Variants in SNCAIP observed in about 807,000 individuals in gnomAD.
The protein encoded by SNCAIP is synuclein alpha interacting protein, also known as synphilin-1.
A neutral mutation model predicts 86.7 loss-of-function variants in SNCAIP; 43 were observed. The observed-to-expected ratio is 0.50, with a 90% confidence interval of 0.39 to 0.64. The LOEUF is 0.64. Among genes scored for constraint, SNCAIP ranks in the 30% least tolerant of loss-of-function variants. The probability of loss-of-function intolerance (pLI) is 0.00; values close to 1 mark genes in which losing one functional copy is unlikely to be tolerated. For missense variants in SNCAIP, 981 were observed against 1,103.1 expected, an observed-to-expected ratio of 0.89 and a Z score of 1.57; for synonymous variants, 417 against 427.2, an observed-to-expected ratio of 0.98 and a Z score of 0.29.
chr5:122,377,486 GAGAC>G (rs1169575809), intron 1 of SNCAIP, among the ~76,000 whole-genome samples: 4 of 131,554 alleles, frequency 3.0e-5, no homozygotes, highest in East Asian at 2.3e-4. Context: ...GGGTGAGAGG[GAGAC>G]AGACAGAGAG....
chr5:122,368,228 C>G (rs1763565918), intron 1 of SNCAIP, among the ~76,000 whole-genome samples: 1 of 152,070 alleles, frequency 6.6e-6, no homozygotes, highest in South Asian at 2.1e-4. Context: ...CCCTAGTGTT[C>G]CAGGTAGTAA....
chr5:122,323,361 A>G (rs1753376973), intron 1 of SNCAIP: 1 of 152,240 alleles, frequency 6.6e-6, no homozygotes, highest in Non-Finnish European at 1.5e-5. Flanking sequence ...GATGTAGTAC[A>G]GTGTTTACTC....
At chr5:122,397,736 C>T (rs1208805374) in intron 2 of SNCAIP, among the ~76,000 whole-genome samples, 1 of 152,022 alleles carries the variant, frequency 6.6e-6, no homozygotes, top group Non-Finnish European at 1.5e-5. Flanking sequence ...TTAAGGTCAT[C>T]TGTGAAAACA....
chr5:122,330,994 A>G (rs1161432690), intron 1 of SNCAIP, among the ~76,000 whole-genome samples: 1 of 151,898 alleles, frequency 6.6e-6, no homozygotes, highest in Non-Finnish European at 1.5e-5. Context: ...CACAACCTAG[A>G]TCCCTCACAT....
chr5:122,398,998 T>G (rs1011966952), intron 2 of SNCAIP, among the ~76,000 whole-genome samples: 1 of 152,154 alleles, frequency 6.6e-6, no homozygotes, highest in African/African-American at 2.4e-5. Context: ...GAAGCTGACT[T>G]TTCAGTGTCA....
chr5:122,455,779 G>A (rs1784614457), intron 10 of SNCAIP, among the ~76,000 whole-genome samples: 1 of 152,058 alleles, frequency 6.6e-6, no homozygotes, highest in Non-Finnish European at 1.5e-5. Context: ...TTTCTAAATT[G>A]TTCACAGCTT....
rs780870119 is a variant in SNCAIP at position 122,422,949 on chromosome 5, G to GT, written c.213dup (p.Lys72Ter). 1 of 1,614,158 alleles carries GT rather than the reference G, an allele frequency of 6.2e-7. No individual in the cohort carries two copies. The highest frequency in any genetic ancestry group is 1.7e-5 in the Admixed American group (1 of 60,022). On this transcript the variant is annotated frameshift_variant, in exon 4 of 11. Transcript: ENST00000261368. LOFTEE classifies it high-confidence loss of function. Reference sequence around the variant, plus strand: ...CCCACAGGAATCGCTGATGTGTACAGTAAGTTCCGCCCAGTGAAGCGGGTT... The same window carrying GT: ...CCCACAGGAATCGCTGATGTGTACAGTTAAGTTCCGCCCAGTGAAGCGGGTT...
intron 1 of SNCAIP, among the ~76,000 whole-genome samples, chr5:122,367,869 T>A (rs1041327632): frequency 6.6e-6 from 1 of 151,078 alleles, no homozygotes; most frequent in Non-Finnish European, 1.5e-5. Context: ...GTGCATAAAT[T>A]ATATATATAT....
At chr5:122,345,127 T>A (rs367545280) in intron 1 of SNCAIP, among the ~76,000 whole-genome samples, 6 of 152,268 alleles carry the variant, frequency 3.9e-5, no homozygotes, top group Admixed American at 2.0e-4. Context: ...ATGACAAGAA[T>A]CACATCCTGG....
intron 1 of SNCAIP, among the ~76,000 whole-genome samples, chr5:122,326,606 C>CA (rs1754116482): frequency 2.4e-5 from 1 of 42,132 alleles, no homozygotes; most frequent in Non-Finnish European, 3.9e-5. Flanking sequence ...GAAATGTCTC[C>CA]TTTTTTTTTT....
At chr5:122,461,669 GT>G (rs55705552) in intron 10 of SNCAIP, among the ~76,000 whole-genome samples, 1,870 of 133,256 alleles carry the variant, frequency 0.014, 14 homozygotes, top group African/African-American at 0.041. Flanking sequence ...TTTTATAGCT[GT>G]TTTTTTTTTT....
intron 1 of SNCAIP, among the ~76,000 whole-genome samples, chr5:122,376,793 G>C (rs1765413565): frequency 6.6e-6 from 1 of 152,140 alleles, no homozygotes; most frequent in African/African-American, 2.4e-5. Context: ...AACAGAGATG[G>C]TCATGGCAGC....
At chr5:122,432,106 C>T in intron 6 of SNCAIP, 24 bp downstream of exon 6, 2 of 972,968 alleles carry the variant, frequency 2.1e-6, no homozygotes, top group Non-Finnish European at 3.4e-6. Context: ...TTTTAAGTAT[C>T]TTCCCTTTGT....
At chr5:122,408,922 A>G (rs1773563325) in intron 3 of SNCAIP, among the ~76,000 whole-genome samples, 1 of 152,190 alleles carries the variant, frequency 6.6e-6, no homozygotes, top group South Asian at 2.1e-4. Flanking sequence ...ACAGAGGGTA[A>G]ATAATGTGCA....
intron 1 of SNCAIP, among the ~76,000 whole-genome samples, chr5:122,376,701 C>T (rs1765396063): frequency 6.6e-6 from 1 of 152,130 alleles, no homozygotes; most frequent in South Asian, 2.1e-4. Flanking sequence ...CTCTTGCTCC[C>T]TCCTTTCTCT....
chr5:122,339,929 C>T (rs566562566), intron 1 of SNCAIP, among the ~76,000 whole-genome samples: 1 of 152,240 alleles, frequency 6.6e-6, no homozygotes, highest in South Asian at 2.1e-4. Flanking sequence ...AGAGGAGTGT[C>T]ACTGAGCAGG....
At chr5:122,443,771 G>A (rs1040945495) in intron 7 of SNCAIP, 1 of 424,680 alleles carries the variant, frequency 2.4e-6, no homozygotes, top group Non-Finnish European at 4.7e-6. Context: ...TTCTTTGGCT[G>A]GCTGTGGTCA....
chr5:122,332,650 A>G (rs1225069068), intron 1 of SNCAIP, among the ~76,000 whole-genome samples: 2 of 152,228 alleles, frequency 1.3e-5, no homozygotes. Context: ...CAAACATCCA[A>G]GTATCACCAC....
rs570570458 is a variant in SNCAIP, at chr5:122,318,308, T to C, written c.-47+6024T>C. ...ATTTACTTATCCTTCCAAACTCATC[T>C]CAAGTGTTGCTTTTTCAAGAAGCCC... is the stretch of plus-strand genomic sequence containing the variant. On this transcript the variant is annotated intron_variant, in intron 1 of 10. Coordinates refer to ENST00000261368, the MANE Select transcript of SNCAIP (RefSeq NM_005460.4). Among the ~76,000 whole-genome samples, 12 of 152,300 alleles carry C rather than the reference T, an allele frequency of 7.9e-5. No homozygotes were observed. In the East Asian group the frequency reaches 2.3e-3, roughly 29 times the overall value.
Sources: gnomAD v4.1 joint callset for allele counts (sites outside exome capture counted in the v4.1 genomes callset) on GRCh38, gnomAD v4.1.1 for gene constraint, MANE v1.5 for transcripts, NCBI Gene and HGNC (gene_info 2026-07-23, HGNC 2026-07-21) for gene names.